PTPRN2: variants seen among roughly 807,000 people sequenced by gnomAD.
PTPRN2 encodes the protein receptor-type tyrosine-protein phosphatase N2.
In PTPRN2, 74 loss-of-function variants were observed where a neutral mutation model predicts 118.8. The ratio of observed to expected loss-of-function variants is 0.62; its 90% confidence interval spans 0.52 to 0.76. The LOEUF is 0.76. Ranked by LOEUF, PTPRN2 falls within the 30% of genes least tolerant of loss-of-function variation. The pLI is 0.00. For missense variants in PTPRN2, 1,481 were observed against 1,394.4 expected (o/e 1.06, Z -0.99); for synonymous variants, 641 against 608.0 (o/e 1.05, Z -0.80).
intron 1 of PTPRN2, among the ~76,000 whole-genome samples, chr7:158,491,305 G>A (rs1409339221): frequency 2.0e-5 from 3 of 152,148 alleles, no homozygotes; most frequent in Non-Finnish European, 2.9e-5. Context: ...CCAGGAGGTG[G>A]CCTAGGTGCA....
At chr7:158,266,595 C>T (rs141845727) in intron 3 of PTPRN2, among the ~76,000 whole-genome samples, 1,603 of 152,282 alleles carry the variant, frequency 0.011, 29 homozygotes, top group Middle Eastern at 0.058. Context: ...GGCCTGAATT[C>T]CGTGAACTGA....
chr7:157,731,464 C>A (rs1799898451), intron 12 of PTPRN2, among the ~76,000 whole-genome samples: 1 of 152,152 alleles, frequency 6.6e-6, no homozygotes, highest in African/African-American at 2.4e-5. Flanking sequence ...TCTTCCTTCC[C>A]ACGCGCCCAG....
At chr7:157,994,254 T>C (rs897027323) in intron 11 of PTPRN2, among the ~76,000 whole-genome samples, 33 of 152,200 alleles carry the variant, frequency 2.2e-4, no homozygotes, top group African/African-American at 7.7e-4. Flanking sequence ...GTGGCAATGG[T>C]AACCCGCCAC....
chr7:157,817,741 T>A (rs1014927185), intron 12 of PTPRN2, among the ~76,000 whole-genome samples: 3 of 152,208 alleles, frequency 2.0e-5, no homozygotes, highest in Non-Finnish European at 4.4e-5. Flanking sequence ...CCTGTGTGCA[T>A]GCACGTGTGT....
At chr7:157,772,049 CAT>C (rs1802870344) in intron 12 of PTPRN2, among the ~76,000 whole-genome samples, 2 of 151,278 alleles carry the variant, frequency 1.3e-5, no homozygotes, top group African/African-American at 2.4e-5. Flanking sequence ...GACACCCACA[CAT>C]AGAAATACAC....
At chr7:158,020,486 T>C (rs991090775) in intron 11 of PTPRN2, among the ~76,000 whole-genome samples, 3 of 152,056 alleles carry the variant, frequency 2.0e-5, no homozygotes, top group Non-Finnish European at 4.4e-5. Context: ...GGCACAGAAG[T>C]GGGGTTTGGC....
rs1585000940 is a variant in PTPRN2 at position 157,539,684 on chromosome 7, T to G, written c.*1030A>C. On this transcript the variant is annotated 3_prime_UTR_variant, in exon 23 of 23. Transcript: ENST00000389418. ...TCCCTTCCAGGCTCTACGCAGTGCG[T>G]GCAGGTCGCCCTGATCTCCTCTCCC... 1 of 141,648 alleles carries G rather than the reference T, an allele frequency of 7.1e-6. No individual in the cohort carries two copies. Among genetic ancestry groups the G allele is most frequent in the East Asian group, 1.9e-4 (1 of 5,182 alleles). The allele number at this position is 141,648 out of a possible 1,614,324, so 8.8% of individuals were successfully genotyped here.
intron 5 of PTPRN2, among the ~76,000 whole-genome samples, chr7:158,191,160 G>C (rs1195679884): frequency 6.6e-6 from 1 of 152,200 alleles, no homozygotes; most frequent in African/African-American, 2.4e-5. Flanking sequence ...GGTCTGTGGG[G>C]GTTGCCCAGA....
At chr7:158,332,565 C>G (rs112697996) in intron 2 of PTPRN2, among the ~76,000 whole-genome samples, 20 of 146,808 alleles carry the variant, frequency 1.4e-4, no homozygotes, top group African/African-American at 5.1e-4. Flanking sequence ...AGAGGTGACA[C>G]CTGCAGACGT....
intron 6 of PTPRN2, among the ~76,000 whole-genome samples, chr7:158,157,647 C>T (rs778913801): frequency 2.0e-5 from 3 of 152,236 alleles, no homozygotes; most frequent in Non-Finnish European, 2.9e-5. Context: ...CCGCTGCCAC[C>T]CCGCACTGGG....
intron 1 of PTPRN2, among the ~76,000 whole-genome samples, chr7:158,496,229 C>G (rs1821836120): frequency 1.5e-5 from 2 of 129,358 alleles, no homozygotes; most frequent in African/African-American, 5.7e-5. Context: ...TTCCCTTCAG[C>G]CTTCCCTCCC....
intron 6 of PTPRN2, among the ~76,000 whole-genome samples, chr7:158,165,331 A>G (rs1822862512): frequency 6.6e-6 from 1 of 152,190 alleles, no homozygotes; most frequent in African/African-American, 2.4e-5. Context: ...CTGGAGGGAA[A>G]GTGGCCACTC....
At chr7:158,266,796 A>G (rs1797916064) in intron 3 of PTPRN2, among the ~76,000 whole-genome samples, 1 of 152,244 alleles carries the variant, frequency 6.6e-6, no homozygotes, top group South Asian at 2.1e-4. Flanking sequence ...GCCTGACCCC[A>G]TTAAAAAATG....
rs1390715752 is a variant in PTPRN2 at position 158,022,417 on chromosome 7, A to G, written c.1723+58881T>C. 2.0e-5 allele frequency among the ~76,000 whole-genome samples: 3 copies of G among 152,190 alleles called. No homozygotes were observed. ...CCACGGTGATTACTGAGGGAAGACC[A>G]GCGCAGCCCATGATGTGTTCACAGC... is the stretch of plus-strand genomic sequence containing the variant. On this transcript the variant is annotated intron_variant, in intron 11 of 22. Coordinates refer to ENST00000389418, the MANE Select transcript of PTPRN2 (RefSeq NM_002847.5). The surrounding 1 kb of genome is among the most constrained non-coding windows in gnomAD (Gnocchi z 4.6).
chr7:158,541,789 A>T, intron 1 of PTPRN2: 1 of 970,978 alleles, frequency 1.0e-6, no homozygotes, highest in Non-Finnish European at 1.2e-6. Flanking sequence ...GTATCAGAGG[A>T]GAAGGGGCCA....
rs368260198 is a variant in PTPRN2, at chr7:157,632,229, G to A, written c.2197-10720C>T. Among the ~76,000 whole-genome samples the A allele has an allele frequency of 2.5e-3, 383 of 152,222 alleles. 2 individuals are homozygous for A. The highest frequency in any genetic ancestry group is 8.9e-3 in the African/African-American group (369 of 41,548). On this transcript the variant is annotated intron_variant, in intron 14 of 22. Coordinates refer to ENST00000389418, the MANE Select transcript of PTPRN2 (RefSeq NM_002847.5). This position sits in a 1 kb window ranked among gnomAD's most constrained non-coding sequence, Gnocchi z 4.3. ...AGGGTACTTCCTGGAGTCCACAGCC[G>A]GCCCAGTCTCTGCCTCACCTCTAGA...
At chr7:158,032,930 A>G (rs1354802098) in intron 11 of PTPRN2, among the ~76,000 whole-genome samples, 3 of 152,230 alleles carry the variant, frequency 2.0e-5, no homozygotes, top group Non-Finnish European at 4.4e-5. Flanking sequence ...ATTACTGCAG[A>G]GGAAGGGAAA....
intron 11 of PTPRN2, among the ~76,000 whole-genome samples, chr7:157,945,278 T>C (rs1800401628): frequency 6.6e-6 from 1 of 152,072 alleles, no homozygotes; most frequent in African/African-American, 2.4e-5. Flanking sequence ...CATCCCCACC[T>C]GCACTGGGTT....
intron 5 of PTPRN2, among the ~76,000 whole-genome samples, chr7:158,175,951 C>T (rs745598482): frequency 6.6e-6 from 1 of 152,000 alleles, no homozygotes; most frequent in Non-Finnish European, 1.5e-5. Flanking sequence ...ACCGTGAGGC[C>T]AGTGCTGATC....
Sources: gnomAD v4.1 joint callset for allele counts (sites outside exome capture counted in the v4.1 genomes callset) on GRCh38, gnomAD v4.1.1 for gene constraint, Gnocchi (gnomAD v3.1) non-coding constraint, MANE v1.5 for transcripts, NCBI Gene and HGNC (gene_info 2026-07-23, HGNC 2026-07-21) for gene names.